TLCD3B: variants seen among roughly 807,000 people sequenced by gnomAD.
TLCD3B encodes the protein ceramide synthase.
TLCD3B carries 9 observed loss-of-function variants against 23.0 expected under a neutral mutation model. That is an observed-to-expected ratio of 0.39 (90% CI 0.24 to 0.68). The LOEUF (loss-of-function observed/expected upper bound fraction) is 0.68. Among genes scored for constraint, TLCD3B ranks in the 30% least tolerant of loss-of-function variants. The pLI is 0.44. For synonymous variants in TLCD3B, 161 were observed against 161.0 expected (o/e 1.00, Z 0.00); for missense variants, 307 against 371.8 (o/e 0.83, Z 1.43).
intron 1 of TLCD3B, chr16:30,030,136 C>A: frequency 6.7e-7 from 1 of 1,481,762 alleles, no homozygotes; most frequent in Non-Finnish European, 9.1e-7. Context: ...GCATGCTGGC[C>A]CTGTTTTGGA....
intron 3 of TLCD3B, 66 bp downstream of exon 3, chr16:30,026,543 G>A: frequency 7.0e-7 from 1 of 1,429,748 alleles, no homozygotes; most frequent in Non-Finnish European, 9.7e-7. Flanking sequence ...CCAGGCTCCT[G>A]CCAGCACCAG....
upstream of TLCD3B, among the ~76,000 whole-genome samples, chr16:30,031,939 G>T (rs541955108): frequency 7.9e-4 from 120 of 152,312 alleles, 1 homozygote; most frequent in African/African-American, 2.8e-3. Context: ...CGGGGCAGCT[G>T]CCTCTCAGGA....
At chr16:30,028,670 G>A (rs1320576329) in intron 2 of TLCD3B, among the ~76,000 whole-genome samples, 2 of 152,200 alleles carry the variant, frequency 1.3e-5, no homozygotes, top group Admixed American at 6.5e-5. Flanking sequence ...AACAGAAACA[G>A]GGCACCCCCC....
At chr16:30,045,700 T>A (rs2071661639) in intron 2 of TLCD3B, among the ~76,000 whole-genome samples, 1 of 148,968 alleles carries the variant, frequency 6.7e-6, no homozygotes, top group Non-Finnish European at 1.5e-5. Context: ...TGTTTGTGTG[T>A]GTGTGTGTTG....
At chr16:30,042,656 G>A (rs1190920944) in intron 2 of TLCD3B, among the ~76,000 whole-genome samples, 2 of 152,074 alleles carry the variant, frequency 1.3e-5, no homozygotes, top group Non-Finnish European at 2.9e-5. Flanking sequence ...ATTAGACTGG[G>A]AATCCAGAAA....
intron 1 of TLCD3B, among the ~76,000 whole-genome samples, chr16:30,050,533 C>G (rs866694967): frequency 1.3e-5 from 2 of 152,094 alleles, no homozygotes. Context: ...CCGAGTGAGA[C>G]TCTGTCTCAA....
upstream of TLCD3B, among the ~76,000 whole-genome samples, chr16:30,035,759 C>CT (rs1377143764): frequency 1.5e-5 from 2 of 129,062 alleles, no homozygotes; most frequent in African/African-American, 3.1e-5. Context: ...CTTTTCTTTT[C>CT]TTTTTTCTTT....
Position 30,029,580 on chromosome 16 carries a change from T to C in TLCD3B, c.126-65A>G. 9.7e-6 allele frequency: 13 copies of C among 1,341,726 alleles called. No homozygotes were observed. Among genetic ancestry groups the C allele is most frequent in the African/African-American group, 1.4e-5 (1 of 69,452 alleles). The allele number at this position is 1,341,726 out of a possible 1,614,324, so 83.1% of individuals were successfully genotyped here. A position where few individuals can be genotyped will look rare whatever the true frequency, so the allele number is the denominator to read the frequency against. On this transcript the variant is annotated intron_variant, in intron 1 of 4. Coordinates refer to ENST00000380495, the MANE Select transcript of TLCD3B (RefSeq NM_031478.6). This position sits in a 1 kb window ranked among gnomAD's most constrained non-coding sequence, Gnocchi z 4.6. The stretch of plus-strand genomic sequence containing the variant: ...AAGAGGCGTGTGCCTTGATTTCTCC[T>C]CGTTGCTAGTCTAACGACTGCGCTT...
intron 2 of TLCD3B, among the ~76,000 whole-genome samples, chr16:30,045,485 GTGTT>G (rs1191432989): frequency 7.2e-6 from 1 of 138,666 alleles, no homozygotes; most frequent in Non-Finnish European, 1.6e-5. Flanking sequence ...TGTGGTATGT[GTGTT>G]TGTGTGGTGT....
At chr16:30,037,250 T>A (rs1229838291) in intron 3 of TLCD3B, among the ~76,000 whole-genome samples, 7 of 149,974 alleles carry the variant, frequency 4.7e-5, no homozygotes, top group Admixed American at 4.7e-4. Flanking sequence ...CTACAAAAAA[T>A]TAGAATAATA....
intron 1 of TLCD3B, among the ~76,000 whole-genome samples, chr16:30,051,690 T>C: frequency 6.6e-6 from 1 of 152,016 alleles, no homozygotes; most frequent in East Asian, 1.9e-4. Flanking sequence ...GAGCCAGACA[T>C]GGAAGTGAGG....
chr16:30,027,794 AG>A, intron 2 of TLCD3B: 1 of 396,136 alleles, frequency 2.5e-6, no homozygotes, highest in South Asian at 1.8e-5. Context: ...TGGGGGCAGG[AG>A]GTCAGAGAGG....
At chr16:30,042,423 C>T (rs1241098503) in intron 2 of TLCD3B, among the ~76,000 whole-genome samples, 1 of 151,954 alleles carries the variant, frequency 6.6e-6, no homozygotes, top group Non-Finnish European at 1.5e-5. Context: ...GGGGTTTCAC[C>T]ATGTTGGCCA....
At chr16:30,049,348 A>G (rs1422707990) in intron 1 of TLCD3B, among the ~76,000 whole-genome samples, 5 of 152,144 alleles carry the variant, frequency 3.3e-5, no homozygotes, top group Non-Finnish European at 7.4e-5. Context: ...GAGGCAGCTG[A>G]AAGTATTAGA....
At chr16:30,026,584 G>A (rs757707863) in intron 3 of TLCD3B, 25 bp downstream of exon 3, 18 of 895,158 alleles carry the variant, frequency 2.0e-5, no homozygotes, top group East Asian at 5.9e-5. Context: ...CCCGCACCCC[G>A]CCCGCCCAGC....
chr16:30,052,828 C>A (rs1274233796), exon 1 of TLCD3B: 1 of 152,184 alleles, frequency 6.6e-6, no homozygotes, highest in Non-Finnish European at 1.5e-5. Flanking sequence ...GTGGCTTGGC[C>A]GGAGATACAT....
chr16:30,036,313 TA>T, intron 3 of TLCD3B: 1 of 1,288,996 alleles, frequency 7.8e-7, no homozygotes. Context: ...GTTGTTCCAT[TA>T]AAAAAGAAAA....
At chr16:30,036,067 C>T (rs117287551), upstream of TLCD3B, 1,300 of 1,184,720 alleles carry the variant, frequency 1.1e-3, 18 homozygotes, top group East Asian at 0.043. Flanking sequence ...CCAGCTCCTC[C>T]TACTCTTAAA....
At chr16:30,035,417 C>G, upstream of TLCD3B, 1 of 1,289,624 alleles carries the variant, frequency 7.8e-7, no homozygotes, top group Non-Finnish European at 1.0e-6. Context: ...CAAGCCCCAG[C>G]GCAGGGCAGT....
Sources: allele counts gnomAD v4.1 joint callset (sites outside exome capture counted in the v4.1 genomes callset), GRCh38; gene constraint gnomAD v4.1.1; non-coding constraint Gnocchi (gnomAD v3.1); transcripts MANE v1.5; gene names NCBI Gene and HGNC (gene_info 2026-07-23, HGNC 2026-07-21).